Variants in TSC22D3 observed in about 807,000 individuals in gnomAD.
TSC22D3 encodes the protein TSC22 domain family protein 3.
Under a neutral mutation model 11.1 loss-of-function variants are expected in TSC22D3, and 4 were observed. The observed-to-expected ratio is 0.36, with a 90% CI of 0.18 to 0.83. TSC22D3 has a LOEUF of 0.83. Ranked by LOEUF, TSC22D3 falls within the 40% of genes least tolerant of loss-of-function variation. The pLI is 0.48. For synonymous variants in TSC22D3, 77 were observed against 70.3 expected, an observed-to-expected ratio of 1.10 and a Z score of -0.48; for missense variants, 118 against 159.4, an observed-to-expected ratio of 0.74 and a Z score of 1.40.
chrX:107,771,301 T>C (rs1467237849), intron 1 of TSC22D3, among the ~76,000 whole-genome samples: 1 of 112,340 alleles, frequency 8.9e-6, no homozygotes, highest in African/African-American at 3.2e-5. Context: ...TAGTACCCAT[T>C]TGGTCGGGCG....
At chrX:107,742,991 G>A (rs1928490539) in intron 1 of TSC22D3, among the ~76,000 whole-genome samples, 2 of 111,783 alleles carry the variant, frequency 1.8e-5, no homozygotes, top group African/African-American at 6.5e-5. Flanking sequence ...GGCCGCCCAG[G>A]GAGAGGGCCC....
At chrX:107,774,929 C>A (rs955791651) in intron 1 of TSC22D3, 171 bp downstream of exon 1, 1 of 533,904 alleles carries the variant, frequency 1.9e-6, no homozygotes, top group Admixed American at 3.9e-5. Flanking sequence ...CAGTCCTCCC[C>A]TCAGCTCCGC....
In TSC22D3 at chrX:107,775,402, G is replaced by C; in HGVS notation, c.18C>G (p.Leu6=). 4 of 1,187,350 alleles carry C rather than the reference G, an allele frequency of 3.4e-6. No homozygotes were observed. In the African/African-American group the frequency reaches 7.0e-5, roughly 21 times the overall value. ...CGAGGCCGACAGGTGAGCGGCAATCGAGCTTGGACTGGGCCATCTTCTCAG... is the reference window on the plus strand; with the variant it reads ...CGAGGCCGACAGGTGAGCGGCAATCCAGCTTGGACTGGGCCATCTTCTCAG... The part of the protein sequence containing the change: MAQSK[L]DCRSPVGLDC... The change falls in exon 1 of 3, where the codon CTC becomes CTG. Residue 6 remains leucine (L), a synonymous_variant. Transcript: ENST00000372383.
intron 1 of TSC22D3, among the ~76,000 whole-genome samples, chrX:107,756,599 A>G (rs1929190701): frequency 8.9e-6 from 1 of 112,261 alleles, no homozygotes; most frequent in Non-Finnish European, 1.9e-5. Context: ...GCCAGGATAC[A>G]GTCCTGAGCC....
intron 1 of TSC22D3, among the ~76,000 whole-genome samples, chrX:107,724,433 G>A (rs1435319279): frequency 8.8e-6 from 1 of 113,281 alleles, no homozygotes; most frequent in African/African-American, 3.2e-5. Context: ...AGAAAGAGTA[G>A]CATGGAAGCA....
At chrX:107,724,477 C>T (rs1927512238) in intron 1 of TSC22D3, among the ~76,000 whole-genome samples, 1 of 113,428 alleles carries the variant, frequency 8.8e-6, no homozygotes, top group Non-Finnish European at 1.9e-5. Context: ...TCCAGCCTTT[C>T]ACACAGTCTA....
rs770731008 is a variant in TSC22D3, at chrX:107,744,497, T to A, written c.321-28547A>T. 8.1e-5 allele frequency among the ~76,000 whole-genome samples: 9 copies of A among 110,958 alleles called. No individual in the cohort carries two copies. In the East Asian group the frequency reaches 1.7e-3, roughly 21 times the overall value. On this transcript the variant is annotated intron_variant, in intron 1 of 2. Coordinates refer to ENST00000372383, the MANE Select transcript of TSC22D3 (RefSeq NM_198057.3). ...CTCCGTTTCAAAAAAATAAAAAAAA[T>A]TTAAATTTAAATTAAAAAAAAGCTC...
At chrX:107,757,137 T>C (rs1446191212) in intron 1 of TSC22D3, among the ~76,000 whole-genome samples, 1 of 112,805 alleles carries the variant, frequency 8.9e-6, no homozygotes, top group East Asian at 2.8e-4. Context: ...GGAAGTGGCT[T>C]GTATGTAGAT....
At position 107,761,234 on chromosome X, in the gene TSC22D3, TG is replaced by T. The variant is rs780668370; in HGVS notation, c.320+13865del. Among the ~76,000 whole-genome samples the T allele has an allele frequency of 4.5e-5, 5 of 112,320 alleles. No individual in the cohort carries two copies. In the East Asian group the frequency reaches 1.1e-3, roughly 25 times the overall value. On this transcript the variant is annotated intron_variant, in intron 1 of 2. Coordinates refer to ENST00000372383, the MANE Select transcript of TSC22D3 (RefSeq NM_198057.3). ...ATACTGGCTAATGTCCTCTGCTCCT[TG>T]GTGGCCTCTCCAGGGCCTTGTGAGG... is the stretch of plus-strand genomic sequence containing the variant.
intron 1 of TSC22D3, among the ~76,000 whole-genome samples, chrX:107,770,845 A>G (rs916519343): frequency 2.7e-5 from 3 of 112,714 alleles, no homozygotes; most frequent in Admixed American, 9.3e-5. Flanking sequence ...AAGCTTTTTC[A>G]TATGCTACAT....
chrX:107,730,367 G>A (rs1927827660), intron 1 of TSC22D3, among the ~76,000 whole-genome samples: 1 of 112,174 alleles, frequency 8.9e-6, no homozygotes, highest in Non-Finnish European at 1.9e-5. Context: ...ACCTGCACTA[G>A]TGTTCCTTCC....
intron 1 of TSC22D3, among the ~76,000 whole-genome samples, chrX:107,729,891 G>A: frequency 8.9e-6 from 1 of 112,992 alleles, no homozygotes; most frequent in Non-Finnish European, 1.9e-5. Context: ...TCCCACTCAT[G>A]AATCACCAGT....
At chrX:107,752,274 TACA>T (rs1479037675) in intron 1 of TSC22D3, among the ~76,000 whole-genome samples, 9 of 112,027 alleles carry the variant, frequency 8.0e-5, no homozygotes, top group Non-Finnish European at 1.7e-4. Flanking sequence ...CAGCTAGGTT[TACA>T]ACAAGGGAGA....
chrX:107,773,565 G>T (rs1930001731), intron 1 of TSC22D3, among the ~76,000 whole-genome samples: 1 of 111,401 alleles, frequency 9.0e-6, no homozygotes, highest in African/African-American at 3.3e-5. Context: ...AAACCTTTCT[G>T]CCCGCAGCCT....
At chrX:107,716,390 C>G (rs1041209899) in intron 1 of TSC22D3, 2 of 927,604 alleles carry the variant, frequency 2.2e-6, no homozygotes, top group Non-Finnish European at 1.3e-6. Context: ...GCACGGCGCT[C>G]GGCCAGCCCC....
At chrX:107,769,812 C>G (rs1216047144) in intron 1 of TSC22D3, among the ~76,000 whole-genome samples, 2 of 111,236 alleles carry the variant, frequency 1.8e-5, no homozygotes, top group African/African-American at 3.3e-5. Flanking sequence ...ACCTACTAGT[C>G]TCCTTGCACA....
chrX:107,734,580 G>A (rs747979231), intron 1 of TSC22D3, among the ~76,000 whole-genome samples: 104 of 110,845 alleles, frequency 9.4e-4, no homozygotes, highest in Non-Finnish European at 1.5e-3. Flanking sequence ...CAAGTTGGGA[G>A]GAGATGGAAC....
chrX:107,750,951 AT>A (rs761284401), intron 1 of TSC22D3, among the ~76,000 whole-genome samples: 12 of 111,984 alleles, frequency 1.1e-4, no homozygotes, highest in Non-Finnish European at 2.1e-4. Context: ...TTTCTATATT[AT>A]TAAAGCCATT....
Position 107,721,139 on chromosome X carries a change from A to T in TSC22D3, c.321-5189T>A, listed in dbSNP as rs113444358. 8.7e-3 allele frequency among the ~76,000 whole-genome samples: 975 copies of T among 112,174 alleles called. 6 individuals carry two copies. Among genetic ancestry groups the T allele is most frequent in the Middle Eastern group, 0.027 (6 of 219 alleles). ...CTCTCAGCTGTAGTCTTAAAGGGACATAGTAACAAAACAGACATGGCTGAC... is the reference window on the plus strand; with the variant it reads ...CTCTCAGCTGTAGTCTTAAAGGGACTTAGTAACAAAACAGACATGGCTGAC... On this transcript the variant is annotated intron_variant, in intron 1 of 2. Transcript: ENST00000372383.
Sources: gnomAD v4.1 joint callset for allele counts (sites outside exome capture counted in the v4.1 genomes callset) on GRCh38, gnomAD v4.1.1 for gene constraint, MANE v1.5 for transcripts, NCBI Gene and HGNC (gene_info 2026-07-23, HGNC 2026-07-21) for gene names.